The following OR10D3 variants were observed in gnomAD, a reference collection of about 807,000 sequenced individuals.
OR10D3 encodes olfactory receptor 10D3.
For missense variants in OR10D3, 286 were observed against 153.7 expected (o/e 1.86, Z -4.55); for synonymous variants, 100 against 57.6 (o/e 1.74, Z -3.33).
exon 2 of OR10D3, chr11:124,186,086 C>G: frequency 1.4e-6 from 1 of 703,248 alleles, no homozygotes; most frequent in Non-Finnish European, 2.6e-6. Flanking sequence ...AACCGTGGTA[C>G]AAATTCTCAT....
Position 124,184,601 on chromosome 11 carries a change from G to GA in OR10D3, c.-11-649dup, listed in dbSNP as rs912415451. 8.0e-5 allele frequency among the ~76,000 whole-genome samples: 12 copies of GA among 150,476 alleles called. No individual in the cohort carries two copies. The South Asian group carries it at 8.4e-4, about 11-fold the overall frequency. ...CGGGGGAAAGACTGATGTTTAAAAA[G>GA]AAAAAAAAAGAATGTAGATGCCTAG... On this transcript the variant is annotated intron_variant, in intron 1 of 1. Transcript: ENST00000641351.
exon 2 of OR10D3, chr11:124,188,197 C>T (rs576470096): frequency 2.6e-5 from 4 of 152,192 alleles, no homozygotes; most frequent in East Asian, 1.9e-4. Context: ...GGGTGAGAAA[C>T]GATTAGGCAT....
At position 124,185,706 on chromosome 11, in the gene OR10D3, T is replaced by G. The variant is rs558938983; in HGVS notation, c.437T>G (p.Val146Gly). 7.2e-4 allele frequency: 504 copies of G among 703,652 alleles called. 1 individual carries two copies. The African/African-American group carries it at 7.7e-3, about 11-fold the overall frequency. The allele number at this position is 703,652 out of a possible 1,614,324, so 43.6% of individuals were successfully genotyped here. A position where few individuals can be genotyped will look rare whatever the true frequency, so the allele number is the denominator to read the frequency against. Reference sequence around the variant, plus strand: ...CCAAGGATCTGTGTGGCCCTGGCTGTGGGCACATGGCTGTTAGGGTGCATT... The same window carrying G: ...CCAAGGATCTGTGTGGCCCTGGCTGGGGGCACATGGCTGTTAGGGTGCATT... The change falls in exon 2 of 2, where the codon GTG (valine) becomes GGG (glycine). Residue 146 changes from valine to glycine, a missense_variant. Transcript: ENST00000641351.
exon 2 of OR10D3, chr11:124,187,694 G>A (rs979177915): frequency 1.3e-5 from 2 of 152,160 alleles, no homozygotes; most frequent in African/African-American, 4.8e-5. Context: ...AGAATTCTCT[G>A]TATCCTTGGA....
exon 2 of OR10D3, chr11:124,186,497 G>T (rs1457561471): frequency 4.3e-5 from 6 of 138,230 alleles, no homozygotes; most frequent in Admixed American, 1.0e-4. Flanking sequence ...TTTCCATCCT[G>T]CCATTTTTTT....
chr11:124,183,354 C>T (rs938053205), exon 1 of OR10D3: 1 of 152,196 alleles, frequency 6.6e-6, no homozygotes, highest in Non-Finnish European at 1.5e-5. Flanking sequence ...CCTATACAAA[C>T]AGATGATTAA....
At chr11:124,185,742 T>C in exon 2 of OR10D3, 1 of 703,672 alleles carries the variant, frequency 1.4e-6, no homozygotes, top group Non-Finnish European at 2.6e-6. Context: ...CATTCCAGTA[T>C]CTTGACCTCC....
exon 2 of OR10D3, chr11:124,185,703 C>T (rs1288532727): frequency 1.4e-6 from 1 of 703,664 alleles, no homozygotes; most frequent in Non-Finnish European, 2.6e-6. Flanking sequence ...GTGGCCCTGG[C>T]TGTGGGCACA....
chr11:124,185,746 G>C lies in OR10D3; in HGVS notation c.477G>C (p.Leu159Phe), dbSNP rs7937661. The C allele has an allele frequency of 5.5e-3, 3,840 of 703,590 alleles. 120 individuals are homozygous for C. In the African/African-American group the frequency reaches 0.059, roughly 11 times the overall value. The allele number at this position is 703,590 out of a possible 1,614,324, so 43.6% of individuals were successfully genotyped here. A position where few individuals can be genotyped will look rare whatever the true frequency, so the allele number is the denominator to read the frequency against. Reference sequence around the variant, plus strand: ...TAGGGTGCATTCATTCCAGTATCTTGACCTCCCTCACCTTCACCTTGCCAT... The same window carrying C: ...TAGGGTGCATTCATTCCAGTATCTTCACCTCCCTCACCTTCACCTTGCCAT... Residue 159 changes from leucine (L) to phenylalanine (F), a missense_variant, in exon 2 of 2, where the codon TTG becomes TTC. Coordinates refer to ENST00000641351, the Ensembl canonical transcript of OR10D3.
chr11:124,185,404 C>T, exon 2 of OR10D3: 1 of 703,122 alleles, frequency 1.4e-6, no homozygotes, highest in Non-Finnish European at 2.6e-6. Flanking sequence ...ATGTGTCTAT[C>T]CTTGTTGCTG....
chr11:124,186,588 A>G (rs1861229400), exon 2 of OR10D3: 1 of 157,360 alleles, frequency 6.4e-6, no homozygotes, highest in Non-Finnish European at 1.4e-5. Flanking sequence ...AATAAAAAGA[A>G]AAGAGATTTT....
At chr11:124,186,301 G>T (rs1246567992) in exon 2 of OR10D3, 2 of 612,698 alleles carry the variant, frequency 3.3e-6, no homozygotes, top group East Asian at 5.5e-5. Context: ...ACAATGACTT[G>T]GAATTTTCAG....
exon 2 of OR10D3, chr11:124,187,549 G>A (rs1339655111): frequency 4.6e-5 from 7 of 152,118 alleles, no homozygotes; most frequent in East Asian, 1.9e-4. Flanking sequence ...ACTAAGCACC[G>A]TGTTATTAAA....
Position 124,185,242 on chromosome 11 carries a change from T to C in OR10D3, c.-11-17T>C. 1.5e-6 allele frequency: 1 copy of C among 688,150 alleles called. No individual in the cohort carries two copies. The highest frequency in any genetic ancestry group is 2.7e-6 in the Non-Finnish European group (1 of 377,242). 42.6% of individuals were successfully genotyped at this position (688,150 alleles called of 1,614,324 possible). A position where few individuals can be genotyped will look rare whatever the true frequency, so the allele number is the denominator to read the frequency against. On this transcript the variant is annotated splice_polypyrimidine_tract_variant and intron_variant, in intron 1 of 1. Coordinates refer to ENST00000641351, the Ensembl canonical transcript of OR10D3. Reference sequence around the variant, plus strand: ...AAGGCATTCTTCCATGTCCTCAGCCTCCTCTTTCCTTCCTAGGACTGGCTT... The same window carrying C: ...AAGGCATTCTTCCATGTCCTCAGCCCCCTCTTTCCTTCCTAGGACTGGCTT...
chr11:124,185,280 A>G (rs1188589333), exon 2 of OR10D3: 2 of 702,686 alleles, frequency 2.8e-6, no homozygotes, highest in South Asian at 3.0e-5. Flanking sequence ...ATGGAGGTGA[A>G]GAACTGCTGC....
exon 2 of OR10D3, chr11:124,186,245 C>T (rs973004942): frequency 1.6e-6 from 1 of 640,698 alleles, no homozygotes. Flanking sequence ...TCTGGAATTC[C>T]TTTTGCTTTG....
exon 2 of OR10D3, chr11:124,187,308 T>G (rs1565302702): frequency 6.6e-6 from 1 of 152,178 alleles, no homozygotes; most frequent in African/African-American, 2.4e-5. Flanking sequence ...CCAAAAAAAA[T>G]TGTAAATAAA....
At chr11:124,185,050 C>T (rs111354332) in intron 1 of OR10D3, among the ~76,000 whole-genome samples, 1 of 152,166 alleles carries the variant, frequency 6.6e-6, no homozygotes, top group Non-Finnish European at 1.5e-5. Context: ...ATAAGTATAA[C>T]AAAAATATTT....
chr11:124,185,967 G>A (rs746443504), exon 2 of OR10D3: 4 of 703,312 alleles, frequency 5.7e-6, no homozygotes, highest in Non-Finnish European at 1.0e-5. Context: ...ACAACTGAGG[G>A]CCGTCGCCGT....
Sources: gnomAD v4.1 joint callset for allele counts (sites outside exome capture counted in the v4.1 genomes callset) on GRCh38, gnomAD v4.1.1 for gene constraint, MANE v1.5 for transcripts, NCBI Gene and HGNC (gene_info 2026-07-23, HGNC 2026-07-21) for gene names.